RALYL: variants seen among roughly 807,000 people sequenced by gnomAD.
The protein encoded by RALYL is RNA-binding Raly-like protein.
A neutral mutation model predicts 35.1 loss-of-function variants in RALYL; 29 were observed. The ratio of observed to expected loss-of-function variants is 0.83; its 90% CI spans 0.61 to 1.13. The LOEUF is 1.13. RALYL is among the 50% of genes most tolerant of loss of function. The pLI is 0.00. For synonymous variants in RALYL, 120 were observed against 127.6 expected, an observed-to-expected ratio of 0.94 and a Z score of 0.40; for missense variants, 359 against 360.4, an observed-to-expected ratio of 1.00 and a Z score of 0.03.
chr8:84,219,089 C>A (rs187333606), intron 1 of RALYL, among the ~76,000 whole-genome samples: 1 of 151,932 alleles, frequency 6.6e-6, no homozygotes, highest in African/African-American at 2.4e-5. Flanking sequence ...TAAAAAAATA[C>A]GTACAAGAAA....
At chr8:84,568,893 G>A (rs1807166484) in intron 2 of RALYL, among the ~76,000 whole-genome samples, 1 of 151,530 alleles carries the variant, frequency 6.6e-6, no homozygotes, top group Non-Finnish European at 1.5e-5. Context: ...CTTGTTGATG[G>A]GGTTGTTTTT....
intron 1 of RALYL, among the ~76,000 whole-genome samples, chr8:84,476,932 A>T (rs2053492645): frequency 6.6e-6 from 1 of 152,184 alleles, no homozygotes; most frequent in Admixed American, 6.5e-5. Context: ...GTTATATCAG[A>T]TTTTTATGTG....
chr8:84,913,864 G>A (rs538370239), intron 8 of RALYL, among the ~76,000 whole-genome samples: 1 of 151,806 alleles, frequency 6.6e-6, no homozygotes, highest in South Asian at 2.1e-4. Flanking sequence ...GGATAATAGT[G>A]TATTTTTTTC....
intron 2 of RALYL, among the ~76,000 whole-genome samples, chr8:84,716,917 A>T (rs886673939): frequency 2.0e-5 from 3 of 152,272 alleles, no homozygotes; most frequent in Admixed American, 6.5e-5. Flanking sequence ...AATACAAGAA[A>T]TTGTAGCATA....
At chr8:84,659,356 G>C (rs1479307038) in intron 2 of RALYL, among the ~76,000 whole-genome samples, 5 of 152,072 alleles carry the variant, frequency 3.3e-5, no homozygotes, top group African/African-American at 4.8e-5. Flanking sequence ...GGGTCTGGCT[G>C]CGGTGTTCCC....
At chr8:84,332,694 C>A (rs920920713) in intron 1 of RALYL, among the ~76,000 whole-genome samples, 2 of 152,064 alleles carry the variant, frequency 1.3e-5, no homozygotes, top group African/African-American at 4.8e-5. Flanking sequence ...CCTTTTATTG[C>A]CTGCTGCCAG....
At chr8:84,196,297 A>G (rs1218683887) in intron 1 of RALYL, among the ~76,000 whole-genome samples, 2 of 152,214 alleles carry the variant, frequency 1.3e-5, no homozygotes, top group African/African-American at 2.4e-5. Context: ...GAGAAAGGAA[A>G]TGGAAGAGAA....
At chr8:84,835,556 G>A (rs1431405177) in intron 4 of RALYL, among the ~76,000 whole-genome samples, 1 of 149,348 alleles carries the variant, frequency 6.7e-6, no homozygotes, top group Admixed American at 6.7e-5. Flanking sequence ...GGTGGTGCAT[G>A]CCTGTAATCC....
At chr8:84,271,746 A>G (rs1229396822) in intron 1 of RALYL, among the ~76,000 whole-genome samples, 2 of 152,252 alleles carry the variant, frequency 1.3e-5, no homozygotes, top group Non-Finnish European at 2.9e-5. Flanking sequence ...ACAAAAGACT[A>G]CATAGTACAC....
At chr8:84,686,597 G>A (rs987058894) in intron 2 of RALYL, among the ~76,000 whole-genome samples, 14 of 151,932 alleles carry the variant, frequency 9.2e-5, no homozygotes, top group South Asian at 2.1e-4. Context: ...TAGAGACTGG[G>A]TTTCACCATG....
At chr8:84,733,182 A>AG in intron 2 of RALYL, among the ~76,000 whole-genome samples, 2 of 152,232 alleles carry the variant, frequency 1.3e-5, no homozygotes, top group South Asian at 4.2e-4. Context: ...GATTATGAAG[A>AG]GGGCACAAAC....
At chr8:84,679,562 C>T (rs952765432) in intron 2 of RALYL, 2 of 416,810 alleles carry the variant, frequency 4.8e-6, no homozygotes, top group Non-Finnish European at 9.5e-6. Context: ...TGAGCTCTTC[C>T]CAATGGCCAG....
chr8:84,649,400 T>C (rs1193988431), intron 2 of RALYL, among the ~76,000 whole-genome samples: 1 of 151,832 alleles, frequency 6.6e-6, no homozygotes, highest in African/African-American at 2.4e-5. Flanking sequence ...CTTCTAGGGT[T>C]TTTATGGTTT....
intron 4 of RALYL, among the ~76,000 whole-genome samples, chr8:84,807,157 C>T (rs1391519057): frequency 1.3e-5 from 2 of 152,238 alleles, no homozygotes; most frequent in Non-Finnish European, 2.9e-5. Context: ...AGCCCTCACC[C>T]CCCTCCCAAC....
intron 4 of RALYL, among the ~76,000 whole-genome samples, chr8:84,840,139 A>G (rs1431827294): frequency 6.6e-6 from 1 of 152,234 alleles, no homozygotes; most frequent in Non-Finnish European, 1.5e-5. Context: ...ACGAGTTGAG[A>G]GAATAAGGCT....
At chr8:84,275,994 G>A (rs962270294) in intron 1 of RALYL, among the ~76,000 whole-genome samples, 3 of 151,776 alleles carry the variant, frequency 2.0e-5, no homozygotes, top group African/African-American at 2.4e-5. Context: ...GTCTGCACTC[G>A]GTGGCATATA....
chr8:84,385,635 C>T (rs188543862), intron 1 of RALYL, among the ~76,000 whole-genome samples: 12 of 151,928 alleles, frequency 7.9e-5, no homozygotes, highest in Non-Finnish European at 1.5e-4. Context: ...CTTCCACATG[C>T]CTTCTCCTCA....
intron 2 of RALYL, among the ~76,000 whole-genome samples, chr8:84,745,089 A>G (rs529713833): frequency 1.3e-4 from 20 of 151,680 alleles, no homozygotes; most frequent in Non-Finnish European, 1.8e-4. Flanking sequence ...ACACACAGAC[A>G]TACACACACA....
At chr8:84,901,291 G>T (rs1352972746) in intron 8 of RALYL, among the ~76,000 whole-genome samples, 2 of 152,072 alleles carry the variant, frequency 1.3e-5, no homozygotes, top group South Asian at 2.1e-4. Context: ...AAGCCCTCTT[G>T]GTCATCAGGA....
Sources: gnomAD v4.1 joint callset for allele counts (sites outside exome capture counted in the v4.1 genomes callset) on GRCh38, gnomAD v4.1.1 for gene constraint, MANE v1.5 for transcripts, NCBI Gene and HGNC (gene_info 2026-07-23, HGNC 2026-07-21) for gene names.